Variants in LPAR3 observed in about 807,000 individuals in gnomAD.
LPAR3 encodes the protein LPA receptor 3.
A neutral mutation model predicts 17.8 loss-of-function variants in LPAR3; 7 were observed. The observed-to-expected ratio is 0.39, with a 90% confidence interval of 0.22 to 0.74. The LOEUF (loss-of-function observed/expected upper bound fraction) is 0.74, where lower values mean the gene tolerates loss of function less well. Among genes scored for constraint, LPAR3 ranks in the 30% least tolerant of loss-of-function variants. LPAR3 has a pLI of 0.40. For missense variants in LPAR3, 391 were observed against 453.4 expected (o/e 0.86, Z 1.25); for synonymous variants, 179 against 179.9 (o/e 0.99, Z 0.04).
chr1:84,816,000 C>T (rs1160001133), intron 2 of LPAR3, among the ~76,000 whole-genome samples: 1 of 152,170 alleles, frequency 6.6e-6, no homozygotes, highest in African/African-American at 2.4e-5. Context: ...TCTTCACTTA[C>T]TGTACAACTC....
At chr1:84,881,937 C>T (rs762926278) in intron 1 of LPAR3, among the ~76,000 whole-genome samples, 4 of 152,184 alleles carry the variant, frequency 2.6e-5, no homozygotes, top group Admixed American at 6.5e-5. Context: ...CAAGGATGCC[C>T]ACTCTTATCA....
At chr1:84,862,097 G>A (rs1202489219) in intron 2 of LPAR3, among the ~76,000 whole-genome samples, 7 of 152,066 alleles carry the variant, frequency 4.6e-5, no homozygotes, top group Non-Finnish European at 7.3e-5. Flanking sequence ...TTAAGCAGGC[G>A]GGTAATTTCT....
intron 1 of LPAR3, among the ~76,000 whole-genome samples, chr1:84,872,588 G>C (rs1182523707): frequency 6.6e-6 from 1 of 152,108 alleles, no homozygotes; most frequent in South Asian, 2.1e-4. Context: ...ACATCCATGA[G>C]TCCATACTGA....
At chr1:84,816,239 A>G (rs1388807467) in intron 2 of LPAR3, among the ~76,000 whole-genome samples, 1 of 152,240 alleles carries the variant, frequency 6.6e-6, no homozygotes, top group Non-Finnish European at 1.5e-5. Context: ...AATTCATATT[A>G]GTAAGTTTTT....
At chr1:84,870,575 A>C (rs553802090) in intron 1 of LPAR3, among the ~76,000 whole-genome samples, 3 of 152,254 alleles carry the variant, frequency 2.0e-5, no homozygotes, top group African/African-American at 7.2e-5. Flanking sequence ...TAATATCTCT[A>C]CTTTATTATT....
At chr1:84,886,001 T>A (rs1355637959) in intron 1 of LPAR3, among the ~76,000 whole-genome samples, 2 of 152,188 alleles carry the variant, frequency 1.3e-5, no homozygotes, top group African/African-American at 4.8e-5. Context: ...TGTGTACACA[T>A]ATACACATAT....
chr1:84,857,565 T>C (rs985098117), intron 2 of LPAR3, among the ~76,000 whole-genome samples: 1 of 152,230 alleles, frequency 6.6e-6, no homozygotes, highest in Non-Finnish European at 1.5e-5. Flanking sequence ...GATGTTTTCA[T>C]AGCTGTCACT....
chr1:84,863,459 CTCTT>C (rs1659978017), intron 2 of LPAR3, among the ~76,000 whole-genome samples: 1 of 152,130 alleles, frequency 6.6e-6, no homozygotes, highest in South Asian at 2.1e-4. Context: ...TTGCCTTCTT[CTCTT>C]TCTTCTAGTT....
chr1:84,881,714 C>T (rs1166408326), intron 1 of LPAR3, among the ~76,000 whole-genome samples: 1 of 152,074 alleles, frequency 6.6e-6, no homozygotes, highest in African/African-American at 2.4e-5. Context: ...TCTGCTGTAG[C>T]TTGAAACAAA....
intron 2 of LPAR3, among the ~76,000 whole-genome samples, chr1:84,819,418 T>C (rs1024144275): frequency 2.0e-4 from 30 of 152,204 alleles, no homozygotes; most frequent in African/African-American, 6.0e-4. Flanking sequence ...TCAGACCCAA[T>C]AGTCAGAATC....
At chr1:84,854,194 C>T (rs1193210247) in intron 2 of LPAR3, among the ~76,000 whole-genome samples, 3 of 152,116 alleles carry the variant, frequency 2.0e-5, no homozygotes, top group African/African-American at 7.2e-5. Flanking sequence ...CCCTTTCTAC[C>T]CACGGCCCTG....
intron 1 of LPAR3, among the ~76,000 whole-genome samples, chr1:84,870,099 T>C (rs980980195): frequency 3.9e-5 from 6 of 152,248 alleles, no homozygotes; most frequent in African/African-American, 1.2e-4. Context: ...GATTTATTAT[T>C]ATCTCTTGGC....
intron 2 of LPAR3, among the ~76,000 whole-genome samples, chr1:84,816,443 A>G (rs1200412043): frequency 6.6e-6 from 1 of 152,192 alleles, no homozygotes; most frequent in Non-Finnish European, 1.5e-5. Context: ...CAATCCAGGC[A>G]AAGGAAATGC....
In LPAR3 at chr1:84,812,881, A is replaced by C. The variant is rs1288287155; in HGVS notation, c.*965T>G. ...ATTATCAGCTGGATGTTCCATAGGC[A>C]CTTCAAACTTCACATTCTCTTCTCC... On this transcript the variant is annotated 3_prime_UTR_variant, in exon 3 of 3. Transcript: ENST00000370611. The C allele has an allele frequency of 6.6e-6, 1 of 151,724 alleles. No individual in the cohort carries two copies. The highest frequency in any genetic ancestry group is 1.5e-5 in the Non-Finnish European group (1 of 67,982). The allele number at this position is 151,724 out of a possible 1,614,324, so 9.4% of individuals were successfully genotyped here.
intron 1 of LPAR3, among the ~76,000 whole-genome samples, chr1:84,877,293 A>ATCC (rs1004910290): frequency 1.3e-5 from 2 of 152,238 alleles, no homozygotes; most frequent in Admixed American, 6.5e-5. Context: ...ACTATGGTTC[A>ATCC]TCCTACACAG....
At chr1:84,845,121 AT>A (rs1221657762) in intron 2 of LPAR3, among the ~76,000 whole-genome samples, 2 of 152,216 alleles carry the variant, frequency 1.3e-5, no homozygotes, top group African/African-American at 2.4e-5. Context: ...GGCTTTATTT[AT>A]TCCTGATCCA....
chr1:84,862,439 T>G (rs912407543), intron 2 of LPAR3, among the ~76,000 whole-genome samples: 2 of 152,336 alleles, frequency 1.3e-5, no homozygotes, highest in South Asian at 4.1e-4. Context: ...AACAGCTGAG[T>G]GACTGGACAC....
chr1:84,852,941 T>G (rs1659747657), intron 2 of LPAR3, among the ~76,000 whole-genome samples: 1 of 151,666 alleles, frequency 6.6e-6, no homozygotes, highest in South Asian at 2.1e-4. Context: ...TTTGAAGTAT[T>G]AAGAAAAGAA....
At chr1:84,875,244 A>G (rs1286568954) in intron 1 of LPAR3, among the ~76,000 whole-genome samples, 1 of 151,126 alleles carries the variant, frequency 6.6e-6, no homozygotes, top group Non-Finnish European at 1.5e-5. Flanking sequence ...GCTGAAAGAG[A>G]TATTCTTCTT....
Sources: gnomAD v4.1 joint callset for allele counts (sites outside exome capture counted in the v4.1 genomes callset) on GRCh38, gnomAD v4.1.1 for gene constraint, MANE v1.5 for transcripts, NCBI Gene and HGNC (gene_info 2026-07-23, HGNC 2026-07-21) for gene names.